Variants in ADAMTS2 observed in about 807,000 individuals in gnomAD.
The protein encoded by ADAMTS2 is A disintegrin and metalloproteinase with thrombospondin motifs 2.
In ADAMTS2, 50 loss-of-function variants were observed where a neutral mutation model predicts 123.0. That is an observed-to-expected ratio of 0.41 (90% CI 0.32 to 0.51). The LOEUF (loss-of-function observed/expected upper bound fraction) is 0.51, where lower values mean the gene tolerates loss of function less well. ADAMTS2 is among the 20% of genes least tolerant of loss of function. The pLI is 0.35. For missense variants in ADAMTS2, 1,494 were observed against 1,705.2 expected (o/e 0.88, Z 2.18); for synonymous variants, 678 against 695.4 (o/e 0.98, Z 0.39).
At position 179,314,578 on chromosome 5, in the gene ADAMTS2, G is replaced by A. The variant is rs1183289587; in HGVS notation, c.534+29189C>T. 6.6e-6 allele frequency among the ~76,000 whole-genome samples: 1 copy of A among 152,126 alleles called. No individual in the cohort carries two copies. The highest frequency in any genetic ancestry group is 2.4e-5 in the African/African-American group (1 of 41,436). ...CCCGGGCCGTGTCTCTCTCTCACGG[G>A]CCCACATCCTCACTGGACTGTCTCC... On this transcript the variant is annotated intron_variant, in intron 2 of 21. Transcript: ENST00000251582. The surrounding 1 kb of genome is among the most constrained non-coding windows in gnomAD (Gnocchi z 4.5).
At chr5:179,269,802 C>T (rs1766479412) in intron 3 of ADAMTS2, among the ~76,000 whole-genome samples, 1 of 152,166 alleles carries the variant, frequency 6.6e-6, no homozygotes, top group Admixed American at 6.5e-5. Context: ...CAGAGCTGGC[C>T]TTGGGAAGGG....
intron 3 of ADAMTS2, among the ~76,000 whole-genome samples, chr5:179,270,701 C>T (rs980990615): frequency 6.6e-6 from 1 of 152,236 alleles, no homozygotes; most frequent in African/African-American, 2.4e-5. Flanking sequence ...GGGCCCTCCA[C>T]CCAGCTCCGG....
intron 10 of ADAMTS2, among the ~76,000 whole-genome samples, chr5:179,141,703 C>T (rs1228877661): frequency 1.3e-5 from 2 of 152,192 alleles, no homozygotes; most frequent in Admixed American, 6.6e-5. Context: ...GCTGCCTCTA[C>T]TCCAAGCTCC....
chr5:179,252,009 C>CTTTTTT (rs200457965), intron 3 of ADAMTS2, among the ~76,000 whole-genome samples: 1 of 135,764 alleles, frequency 7.4e-6, no homozygotes. Flanking sequence ...TTTTTCTTTT[C>CTTTTTT]TTTTTTTTTT....
chr5:179,200,098 C>T (rs1359946029), intron 4 of ADAMTS2, among the ~76,000 whole-genome samples: 1 of 152,162 alleles, frequency 6.6e-6, no homozygotes, highest in East Asian at 1.9e-4. Context: ...GGAGTTACTA[C>T]TGGCTCTGCC....
At chr5:179,176,601 C>T (rs1763935091) in intron 5 of ADAMTS2, among the ~76,000 whole-genome samples, 1 of 152,170 alleles carries the variant, frequency 6.6e-6, no homozygotes, top group Admixed American at 6.5e-5. Context: ...TATCCCTGGA[C>T]CCAGGCCTGG....
In ADAMTS2 at chr5:179,195,833, C is replaced by T. The variant is rs147557230; in HGVS notation, c.891+11680G>A. On this transcript the variant is annotated intron_variant, in intron 4 of 21. Transcript: ENST00000251582. ...GAACAGAAACAGTGCCAGCAACACCCCCAGGGCCACAGCACCACTAGCAGA... is the reference window on the plus strand; with the variant it reads ...GAACAGAAACAGTGCCAGCAACACCTCCAGGGCCACAGCACCACTAGCAGA... 1.0e-3 allele frequency among the ~76,000 whole-genome samples: 154 copies of T among 152,364 alleles called. 1 individual carries two copies. Among genetic ancestry groups the T allele is most frequent in the African/African-American group, 3.6e-3 (150 of 41,584 alleles).
intron 3 of ADAMTS2, among the ~76,000 whole-genome samples, chr5:179,224,615 CTG>C (rs1765232712): frequency 1.3e-5 from 2 of 152,276 alleles, no homozygotes; most frequent in Admixed American, 1.3e-4. Flanking sequence ...AGAGGGCACA[CTG>C]CCTCCAGCCC....
intron 3 of ADAMTS2, among the ~76,000 whole-genome samples, chr5:179,257,251 G>A (rs1054018743): frequency 2.0e-5 from 3 of 152,248 alleles, no homozygotes; most frequent in African/African-American, 7.2e-5. Context: ...GAGCTCCCGG[G>A]ATATTGCCTA....
rs556729441 is a variant in ADAMTS2, at chr5:179,329,220, T to C, written c.534+14547A>G. ...CGGGCGCCTGTAGTCCCAGCTACTC[T>C]TGAGGCTGAAGCAGGAGAATGGCGT... On this transcript the variant is annotated intron_variant, in intron 2 of 21. Transcript: ENST00000251582. Among the ~76,000 whole-genome samples, 5 of 151,732 alleles carry C rather than the reference T, an allele frequency of 3.3e-5. No homozygotes were observed. In the East Asian group the frequency reaches 9.7e-4, roughly 30 times the overall value.
chr5:179,287,923 C>T (rs1756070894), intron 2 of ADAMTS2, among the ~76,000 whole-genome samples: 1 of 152,222 alleles, frequency 6.6e-6, no homozygotes, highest in African/African-American at 2.4e-5. Context: ...AACGCCAGTC[C>T]CCCCACTCCA....
intron 3 of ADAMTS2, among the ~76,000 whole-genome samples, chr5:179,233,636 G>A (rs1422965098): frequency 6.6e-6 from 1 of 152,166 alleles, no homozygotes; most frequent in East Asian, 1.9e-4. Context: ...GCGGTGAGAG[G>A]AGATTGTACC....
rs893511096 is a variant in ADAMTS2, at chr5:179,307,512, G to A, written c.535-34448C>T. ...ATCACGTATGCCAGGCTGGGAGCCC[G>A]GGCGTCCCAAGCCTGTGACCTCATT... On this transcript the variant is annotated intron_variant, in intron 2 of 21. Transcript: ENST00000251582. The surrounding 1 kb of genome is among the most constrained non-coding windows in gnomAD (Gnocchi z 5.6). Among the ~76,000 whole-genome samples, 10 of 152,162 alleles carry A rather than the reference G, an allele frequency of 6.6e-5. No homozygotes were observed. The highest frequency in any genetic ancestry group is 1.2e-4 in the African/African-American group (5 of 41,506).
intron 2 of ADAMTS2, among the ~76,000 whole-genome samples, chr5:179,287,128 G>A (rs1400700022): frequency 6.6e-6 from 1 of 152,148 alleles, no homozygotes; most frequent in Non-Finnish European, 1.5e-5. Flanking sequence ...AGGGTCCGGT[G>A]GCCAGAGCTG....
intron 2 of ADAMTS2, among the ~76,000 whole-genome samples, chr5:179,333,383 T>A (rs1012923184): frequency 6.6e-6 from 1 of 152,154 alleles, no homozygotes; most frequent in South Asian, 2.1e-4. Context: ...TGAGCACCCG[T>A]CATGCTGTAC....
chr5:179,153,477 G>T lies in ADAMTS2; in HGVS notation c.1515+14C>A. The T allele has an allele frequency of 6.2e-7, 1 of 1,606,700 alleles. No individual in the cohort carries two copies. Reference sequence around the variant, plus strand: ...AGACCTGGGAGGGTCCCGGCTGCAGGGCTGCACACTCACCGCCGTGCACAT... The same window carrying T: ...AGACCTGGGAGGGTCCCGGCTGCAGTGCTGCACACTCACCGCCGTGCACAT... On this transcript the variant is annotated intron_variant, in intron 9 of 21. Transcript: ENST00000251582.
At chr5:179,208,799 C>T (rs1242754528) in intron 3 of ADAMTS2, among the ~76,000 whole-genome samples, 1 of 152,206 alleles carries the variant, frequency 6.6e-6, no homozygotes, top group Non-Finnish European at 1.5e-5. Flanking sequence ...AGCCAGGTCC[C>T]AGCCCCAGGG....
intron 2 of ADAMTS2, among the ~76,000 whole-genome samples, chr5:179,298,211 C>T (rs942437627): frequency 3.4e-5 from 5 of 148,784 alleles, no homozygotes; most frequent in African/African-American, 4.9e-5. Context: ...CCCCGAGGCT[C>T]GGGGAACCCA....
chr5:179,181,061 A>G lies in ADAMTS2; in HGVS notation c.975+11T>C. 1.2e-6 allele frequency: 2 copies of G among 1,612,094 alleles called. No individual in the cohort carries two copies. The highest frequency in any genetic ancestry group is 1.7e-6 in the Non-Finnish European group (2 of 1,178,380). On this transcript the variant is annotated intron_variant, in intron 5 of 21. Coordinates refer to ENST00000251582, the MANE Select transcript of ADAMTS2 (RefSeq NM_014244.5). This position sits in a 1 kb window ranked among gnomAD's most constrained non-coding sequence, Gnocchi z 4.1. ...GGTGGAGGCAGGCCCGGCTGGCCAC[A>G]GTGCACTCACCTTTCCATAGCTCAG...
Sources: gnomAD v4.1 joint callset for allele counts (sites outside exome capture counted in the v4.1 genomes callset) on GRCh38, gnomAD v4.1.1 for gene constraint, Gnocchi (gnomAD v3.1) non-coding constraint, MANE v1.5 for transcripts, NCBI Gene and HGNC (gene_info 2026-07-23, HGNC 2026-07-21) for gene names.